TTC23: variants seen among roughly 807,000 people sequenced by gnomAD.
TTC23 encodes tetratricopeptide repeat protein 23.
Under a neutral mutation model 55.1 loss-of-function variants are expected in TTC23, and 58 were observed. The observed-to-expected ratio is 1.05, with a 90% confidence interval of 0.85 to 1.31. TTC23 has a LOEUF of 1.31. Ranked by LOEUF, TTC23 falls within the 50% of genes most tolerant of loss-of-function variation. TTC23 has a pLI of 0.00. For missense variants in TTC23, 516 were observed against 534.4 expected, an observed-to-expected ratio of 0.97 and a Z score of 0.34; for synonymous variants, 203 against 199.9, an observed-to-expected ratio of 1.02 and a Z score of -0.13.
chr15:99,156,426 T>C (rs943131679), intron 11 of TTC23, 129 bp from the exon 12 acceptor site: 44 of 1,069,436 alleles, frequency 4.1e-5, no homozygotes, highest in Non-Finnish European at 2.7e-6. Flanking sequence ...CTTGTATTAG[T>C]CCATTCTCAT....
intron 13 of TTC23, 68 bp downstream of exon 13, chr15:99,139,249 C>A: frequency 6.3e-7 from 1 of 1,575,538 alleles, no homozygotes; most frequent in East Asian, 2.3e-5. Context: ...CTTCTAGAAC[C>A]AGCTTTCTCT....
intron 10 of TTC23, among the ~76,000 whole-genome samples, chr15:99,171,482 C>T (rs140756226): frequency 4.9e-4 from 73 of 150,138 alleles, no homozygotes; most frequent in African/African-American, 1.6e-3. Context: ...CACCTGTATA[C>T]AAGAGGTGCC....
At chr15:99,202,734 T>C (rs2076298593) in intron 8 of TTC23, among the ~76,000 whole-genome samples, 1 of 152,136 alleles carries the variant, frequency 6.6e-6, no homozygotes, top group South Asian at 2.1e-4. Context: ...AGAGAAAATG[T>C]TATGGAAAAT....
intron 10 of TTC23, among the ~76,000 whole-genome samples, chr15:99,174,023 G>T (rs1328053088): frequency 6.6e-6 from 1 of 152,152 alleles, no homozygotes; most frequent in Admixed American, 6.5e-5. Flanking sequence ...GGTTAGTGTG[G>T]AATGTTCTAG....
intron 5 of TTC23, among the ~76,000 whole-genome samples, 172 bp from the exon 6 acceptor site, chr15:99,222,036 G>A (rs1444287386): frequency 6.6e-6 from 1 of 152,078 alleles, no homozygotes; most frequent in East Asian, 1.9e-4. Flanking sequence ...ATCTATTTGG[G>A]GTGGTAGCAT....
chr15:99,230,697 TA>T (rs2078865758), intron 4 of TTC23, among the ~76,000 whole-genome samples: 1 of 152,186 alleles, frequency 6.6e-6, no homozygotes, highest in Non-Finnish European at 1.5e-5. Context: ...AGGAGAGAGT[TA>T]AAGATACTTC....
intron 2 of TTC23, among the ~76,000 whole-genome samples, chr15:99,244,714 G>A (rs1347672779): frequency 1.3e-5 from 2 of 152,092 alleles, no homozygotes; most frequent in Non-Finnish European, 2.9e-5. Flanking sequence ...TCAAATTGAT[G>A]TATCGATTTA....
In TTC23 at chr15:99,146,986, C is replaced by T. The variant is rs370994837; in HGVS notation, c.1144-7587G>A. On this transcript the variant is annotated intron_variant, in intron 12 of 13. Transcript: ENST00000394132. The stretch of plus-strand genomic sequence containing the variant: ...CTGGAGTGCAGCGGTGTGGTCACGG[C>T]TCACTGCAACCTCTGCCTCCCAGGT... Among the ~76,000 whole-genome samples the T allele has an allele frequency of 3.9e-5, 6 of 152,010 alleles. No homozygotes were observed. The East Asian group carries it at 5.8e-4, about 15-fold the overall frequency.
chr15:99,153,595 A>G (rs4965216), intron 12 of TTC23, among the ~76,000 whole-genome samples: 15,673 of 152,320 alleles, frequency 0.1, 1,049 homozygotes, highest in East Asian at 0.29. Flanking sequence ...ATGAAAACAT[A>G]TGATGTAACT....
rs782525397 is a variant in TTC23, at chr15:99,139,312, C to T, written c.1226+5G>A. On this transcript the variant is annotated splice_donor_5th_base_variant and intron_variant, in intron 13 of 13. Transcript: ENST00000394132. ...ATAGAGAAAGTGTGAGGGACGCCAA[C>T]TCACGTGGACAGCATGCCCATGGCC... 1 of 1,611,802 alleles carries T rather than the reference C, an allele frequency of 6.2e-7. No homozygotes were observed.
chr15:99,144,736 C>G (rs549567902), intron 12 of TTC23: 1 of 152,260 alleles, frequency 6.6e-6, no homozygotes, highest in Non-Finnish European at 1.5e-5. Context: ...CAAGCTATTA[C>G]TTGTATTTTG....
intron 9 of TTC23, among the ~76,000 whole-genome samples, chr15:99,182,177 C>T (rs866083438): frequency 8.6e-5 from 13 of 151,606 alleles, no homozygotes; most frequent in African/African-American, 3.2e-4. Flanking sequence ...CTTTTTCTCC[C>T]CATTCCCAGG....
At chr15:99,247,222 T>C (rs1327206744) in intron 1 of TTC23, among the ~76,000 whole-genome samples, 1 of 152,162 alleles carries the variant, frequency 6.6e-6, no homozygotes, top group Non-Finnish European at 1.5e-5. Context: ...CTGGTGGAAA[T>C]GTAAAATGGG....
At chr15:99,139,457 CTA>C (rs1227553902) in intron 12 of TTC23, 58 bp from the exon 13 acceptor site, 1 of 1,610,106 alleles carries the variant, frequency 6.2e-7, no homozygotes, top group Non-Finnish European at 8.5e-7. Context: ...GAGCAGGAAA[CTA>C]AGGTCTCCCT....
chr15:99,195,187 T>C (rs1453887812), intron 9 of TTC23, among the ~76,000 whole-genome samples: 3 of 152,112 alleles, frequency 2.0e-5, no homozygotes. Context: ...CATATTGAAT[T>C]AAGGACTGTT....
At chr15:99,155,460 A>G (rs2070406603) in intron 12 of TTC23, 1 of 152,228 alleles carries the variant, frequency 6.6e-6, no homozygotes, top group Non-Finnish European at 1.5e-5. Context: ...ATGTAGAAAA[A>G]TAAACACGGA....
chr15:99,235,632 A>T (rs2079260358), intron 3 of TTC23, among the ~76,000 whole-genome samples: 1 of 152,154 alleles, frequency 6.6e-6, no homozygotes, highest in African/African-American at 2.4e-5. Context: ...GGCCTCCCAA[A>T]GTGCTGGGAT....
chr15:99,192,882 G>A (rs1234183021), intron 9 of TTC23, among the ~76,000 whole-genome samples: 1 of 152,194 alleles, frequency 6.6e-6, no homozygotes, highest in African/African-American at 2.4e-5. Context: ...AAAGCCACAG[G>A]GGCGGAGCTG....
chr15:99,232,038 C>T (rs1479235304), intron 4 of TTC23, among the ~76,000 whole-genome samples: 5 of 151,662 alleles, frequency 3.3e-5, no homozygotes, highest in Admixed American at 6.6e-5. Flanking sequence ...GTGATCCACC[C>T]GCCTTGGCCG....
Sources: gnomAD v4.1 joint callset for allele counts (sites outside exome capture counted in the v4.1 genomes callset) on GRCh38, gnomAD v4.1.1 for gene constraint, MANE v1.5 for transcripts, NCBI Gene and HGNC (gene_info 2026-07-23, HGNC 2026-07-21) for gene names.